Variants in LINGO2 observed in about 807,000 individuals in gnomAD.
LINGO2 encodes leucine rich repeat and Ig domain containing 2, also known as leucine-rich repeat and immunoglobulin-like domain-containing nogo receptor-interacting protein 2.
LINGO2 carries 14 observed loss-of-function variants against 30.6 expected under a neutral mutation model. The ratio of observed to expected loss-of-function variants is 0.46; its 90% CI spans 0.30 to 0.72. LINGO2 has a LOEUF of 0.72. LINGO2 is among the 30% of genes least tolerant of loss of function. The pLI is 0.07. For synonymous variants in LINGO2, 317 were observed against 288.5 expected, an observed-to-expected ratio of 1.10 and a Z score of -1.00; for missense variants, 729 against 751.7, an observed-to-expected ratio of 0.97 and a Z score of 0.35.
At chr9:28,025,217 T>G (rs1454979463) in intron 4 of LINGO2, among the ~76,000 whole-genome samples, 4 of 152,196 alleles carry the variant, frequency 2.6e-5, no homozygotes, top group African/African-American at 9.6e-5. Flanking sequence ...TCACCACTAT[T>G]ACATCCCAAA....
At chr9:28,665,994 C>A (rs562077325) in intron 1 of LINGO2, among the ~76,000 whole-genome samples, 8 of 150,846 alleles carry the variant, frequency 5.3e-5, no homozygotes, top group Admixed American at 1.3e-4. Context: ...TGGGTTCAAG[C>A]GATTCTCCTG....
chr9:28,311,011 A>G (rs1824594839), intron 3 of LINGO2, among the ~76,000 whole-genome samples: 1 of 152,146 alleles, frequency 6.6e-6, no homozygotes, highest in African/African-American at 2.4e-5. Flanking sequence ...TTCACCCCCG[A>G]TATTTCATGT....
At chr9:28,881,373 C>T in the LINGO2 span, among the ~76,000 whole-genome samples, 17 of 152,266 alleles carry the variant, frequency 1.1e-4, no homozygotes, top group African/African-American at 4.1e-4. Flanking sequence ...ATCCACCCGC[C>T]TCAGCCTCCC....
At chr9:28,299,155 A>G (rs4878293) in intron 3 of LINGO2, among the ~76,000 whole-genome samples, 149,803 of 152,200 alleles carry the variant, frequency 0.98, 73,765 homozygotes, top group Middle Eastern at 1. Flanking sequence ...ATGTTGCATA[A>G]CCCTCTAGGT....
intron 1 of LINGO2, among the ~76,000 whole-genome samples, chr9:28,507,699 G>A (rs1021616024): frequency 3.9e-5 from 6 of 152,020 alleles, no homozygotes; most frequent in South Asian, 2.1e-4. Context: ...ATAGGTTAAA[G>A]AATATATACT....
At chr9:29,132,946 C>T in the LINGO2 span, among the ~76,000 whole-genome samples, 1 of 151,996 alleles carries the variant, frequency 6.6e-6, no homozygotes, top group African/African-American at 2.4e-5. Flanking sequence ...AAGTCAAACT[C>T]CTGGGCTCAG....
chr9:28,269,543 C>G (rs968921833), intron 4 of LINGO2, among the ~76,000 whole-genome samples: 1 of 152,020 alleles, frequency 6.6e-6, no homozygotes, highest in African/African-American at 2.4e-5. Flanking sequence ...TAAAATTACT[C>G]AGAGGTTTTA....
intron 2 of LINGO2, among the ~76,000 whole-genome samples, chr9:28,431,434 A>T (rs1823672987): frequency 6.6e-6 from 1 of 152,228 alleles, no homozygotes; most frequent in African/African-American, 2.4e-5. Context: ...TAAATCACAT[A>T]TTAAATCCCT....
chr9:28,552,154 A>T (rs749232271), intron 1 of LINGO2, among the ~76,000 whole-genome samples: 14 of 151,972 alleles, frequency 9.2e-5, no homozygotes, highest in Non-Finnish European at 2.1e-4. Context: ...TGTTAAATCA[A>T]GCCCTCCTGA....
the LINGO2 span, among the ~76,000 whole-genome samples, chr9:29,141,832 G>A: frequency 2.0e-5 from 3 of 151,786 alleles, no homozygotes; most frequent in Non-Finnish European, 4.4e-5. Context: ...ATGATAAAAA[G>A]CCAATTCATC....
chr9:28,353,552 G>T (rs906865618), intron 3 of LINGO2, among the ~76,000 whole-genome samples: 1 of 151,020 alleles, frequency 6.6e-6, no homozygotes, highest in Non-Finnish European at 1.5e-5. Flanking sequence ...TACACTGTTG[G>T]TGGGACTGTA....
chr9:29,130,986 T>C, the LINGO2 span, among the ~76,000 whole-genome samples: 2 of 152,140 alleles, frequency 1.3e-5, no homozygotes, highest in Non-Finnish European at 1.5e-5. Context: ...AAGCAGCTGT[T>C]CAAAAGACAG....
chr9:29,137,343 C>T, the LINGO2 span, among the ~76,000 whole-genome samples: 2 of 152,138 alleles, frequency 1.3e-5, no homozygotes, highest in African/African-American at 4.8e-5. Flanking sequence ...CATTATTTAA[C>T]AGTTCACAAG....
chr9:28,138,079 A>G (rs992947932), intron 4 of LINGO2, among the ~76,000 whole-genome samples: 2 of 152,232 alleles, frequency 1.3e-5, no homozygotes, highest in South Asian at 2.1e-4. Context: ...GAATAAAAAA[A>G]TCTGCCTCAG....
At chr9:29,039,880 A>G in the LINGO2 span, among the ~76,000 whole-genome samples, 1 of 152,114 alleles carries the variant, frequency 6.6e-6, no homozygotes, top group East Asian at 1.9e-4. Flanking sequence ...ATGCATAGTA[A>G]TTATTGGCAG....
the LINGO2 span, among the ~76,000 whole-genome samples, chr9:29,139,453 G>A: frequency 1.3e-5 from 2 of 152,064 alleles, no homozygotes; most frequent in Non-Finnish European, 2.9e-5. Flanking sequence ...TACAGACAAT[G>A]CTATATGAGA....
the LINGO2 span, among the ~76,000 whole-genome samples, chr9:28,943,698 G>T: frequency 1.3e-5 from 2 of 152,106 alleles, no homozygotes; most frequent in African/African-American, 4.8e-5. Context: ...AGTAACAAAC[G>T]TATGCATTGC....
intron 1 of LINGO2, among the ~76,000 whole-genome samples, chr9:28,486,046 T>C (rs1436855148): frequency 6.6e-6 from 1 of 152,078 alleles, no homozygotes; most frequent in Non-Finnish European, 1.5e-5. Flanking sequence ...ACTAACTTTT[T>C]GGTAGGAGAA....
At chr9:28,355,410 T>C (rs900794782) in intron 3 of LINGO2, among the ~76,000 whole-genome samples, 4 of 128,454 alleles carry the variant, frequency 3.1e-5, no homozygotes, top group African/African-American at 8.5e-5. Flanking sequence ...TGTGTGTGTG[T>C]GCATTGCCTT....
Sources: allele counts gnomAD v4.1 joint callset (sites outside exome capture counted in the v4.1 genomes callset), GRCh38; gene constraint gnomAD v4.1.1; transcripts MANE v1.5; gene names NCBI Gene and HGNC (gene_info 2026-07-23, HGNC 2026-07-21).